ZNF845: variants seen among roughly 807,000 people sequenced by gnomAD.
The protein encoded by ZNF845 is zinc finger protein 845.
Under a neutral mutation model 76.1 loss-of-function variants are expected in ZNF845, and 59 were observed. The ratio of observed to expected loss-of-function variants is 0.78; its 90% CI spans 0.63 to 0.96. ZNF845 has a LOEUF of 0.96. Ranked by LOEUF, ZNF845 falls within the 40% of genes least tolerant of loss-of-function variation. The probability of loss-of-function intolerance (pLI) is 0.00; values close to 1 mark genes in which losing one functional copy is unlikely to be tolerated. For missense variants in ZNF845, 1,045 were observed against 1,172.8 expected, an observed-to-expected ratio of 0.89 and a Z score of 1.59; for synonymous variants, 361 against 386.9, an observed-to-expected ratio of 0.93 and a Z score of 0.78.
chr19:53,342,658 A>C (rs1362848850), intron 2 of ZNF845, among the ~76,000 whole-genome samples: 1 of 152,020 alleles, frequency 6.6e-6, no homozygotes, highest in Non-Finnish European at 1.5e-5. Context: ...ACTTTAGAAA[A>C]AATTCTGCGG....
chr19:53,338,724 A>ACACG (rs1555821749), intron 1 of ZNF845, among the ~76,000 whole-genome samples: 3 of 100,994 alleles, frequency 3.0e-5, no homozygotes, highest in Non-Finnish European at 6.6e-5. Context: ...ACACACACGC[A>ACACG]CACACACACT....
At chr19:53,334,616 G>A (rs189155851) in intron 1 of ZNF845, among the ~76,000 whole-genome samples, 9 of 152,042 alleles carry the variant, frequency 5.9e-5, no homozygotes, top group Non-Finnish European at 1.0e-4. Flanking sequence ...ATGAAGAAAG[G>A]GGGGCTGGGC....
rs764673143 is a variant in ZNF845, at chr19:53,350,835, A to G, written c.160A>G (p.Met54Val). The change falls in exon 4 of 4, where the codon ATG becomes GTG. Residue 54 changes from methionine to valine, a missense_variant. Met to Val is a conservative substitution (Grantham distance 21). Transcript: ENST00000458035. Reference sequence around the variant, plus strand: ...TTTTCTAGATATCTCTTCCAAATGCATGATGAAGGAGTTCTCATCAACAGC... The same window carrying G: ...TTTTCTAGATATCTCTTCCAAATGCGTGATGAAGGAGTTCTCATCAACAGC... ...LVSLDISSKC[M>V]MKEFSSTAQG... 91 of 1,613,530 alleles carry G rather than the reference A, an allele frequency of 5.6e-5. No individual in the cohort carries two copies. The highest frequency in any genetic ancestry group is 1.6e-4 in the Middle Eastern group (1 of 6,076).
rs1010463792 is a variant in ZNF845 at position 53,353,962 on chromosome 19, C to G, written c.*374C>G. 1.0e-4 allele frequency: 59 copies of G among 570,628 alleles called. No individual in the cohort carries two copies. The highest frequency in any genetic ancestry group is 9.2e-4 in the African/African-American group (48 of 51,954). The allele number at this position is 570,628 out of a possible 1,614,324, so 35.3% of individuals were successfully genotyped here. A position where few individuals can be genotyped will look rare whatever the true frequency, so the allele number is the denominator to read the frequency against. ...GCAAATTTTTCAGACATTGTTCATA[C>G]CTTGCAGTTCATCGGTGAACTCATG... On this transcript the variant is annotated 3_prime_UTR_variant, in exon 4 of 4. Coordinates refer to ENST00000458035, the MANE Select transcript of ZNF845 (RefSeq NM_138374.3).
intron 3 of ZNF845, among the ~76,000 whole-genome samples, chr19:53,349,156 C>T (rs182047564): frequency 1.1e-4 from 16 of 152,102 alleles, no homozygotes; most frequent in African/African-American, 3.1e-4. Context: ...AGCGCCCAGC[C>T]GTTAGTCACT....
At position 53,350,853 on chromosome 19, in the gene ZNF845, T is replaced by G. The variant is rs1346261202; in HGVS notation, c.178T>G (p.Ser60Ala). 2 of 1,613,852 alleles carry G rather than the reference T, an allele frequency of 1.2e-6. No individual in the cohort carries two copies. The highest frequency in any genetic ancestry group is 3.3e-5 in the Admixed American group (2 of 59,986). ...SSKCMMKEFSSTAQGNTEVIH... is the reference protein window; with the variant it reads ...SSKCMMKEFSATAQGNTEVIH... ...CAAATGCATGATGAAGGAGTTCTCA[T>G]CAACAGCACAAGGCAATACAGAAGT... Residue 60 changes from serine to alanine, a missense_variant, in exon 4 of 4, where the codon TCA becomes GCA. By Grantham distance (99) the Ser-to-Ala change is moderately conservative. Transcript: ENST00000458035.
chr19:53,344,604 ATTTATTTTATTTTATTTTAT>A (rs61048596), intron 2 of ZNF845, among the ~76,000 whole-genome samples: 1 of 126,908 alleles, frequency 7.9e-6, no homozygotes, highest in Non-Finnish European at 1.6e-5. Flanking sequence ...ATTTTATTTT[ATTTATTTTATTTTATTTTAT>A]TTTATTTTAT....
intron 1 of ZNF845, among the ~76,000 whole-genome samples, chr19:53,338,876 C>G (rs969757222): frequency 6.7e-6 from 1 of 148,602 alleles, no homozygotes. Context: ...GTCAGGAGTT[C>G]GAGACCAGCC....
intron 3 of ZNF845, among the ~76,000 whole-genome samples, chr19:53,347,424 A>T (rs1157532254): frequency 3.4e-5 from 5 of 145,962 alleles, no homozygotes; most frequent in Admixed American, 1.4e-4. Context: ...CTACAGGCAC[A>T]TGCCACCACA....
Position 53,352,203 on chromosome 19 carries a change from C to T in ZNF845, c.1528C>T (p.Leu510Phe), listed in dbSNP as rs748569255. Residue 510 changes from leucine (L) to phenylalanine (F), a missense_variant, in exon 4 of 4, where the codon CTT becomes TTT. Leu to Phe is a conservative substitution (Grantham distance 22). Coordinates refer to ENST00000458035, the MANE Select transcript of ZNF845 (RefSeq NM_138374.3). ...CDEAFSFKSNLERHRIIHTGE... is the reference protein window; with the variant it reads ...CDEAFSFKSNFERHRIIHTGE... ...TGAAGCTTTCAGTTTCAAATCAAAC[C>T]TTGAAAGACATAGGATAATTCATAC... 1.2e-6 allele frequency: 2 copies of T among 1,613,800 alleles called. No individual in the cohort carries two copies. The highest frequency in any genetic ancestry group is 1.1e-5 in the South Asian group (1 of 91,050).
In ZNF845 at chr19:53,353,460, G is replaced by A. The variant is rs1432057591; in HGVS notation, c.2785G>A (p.Val929Ile). Residue 929 changes from valine to isoleucine, a missense_variant, in exon 4 of 4, where the codon GTC (valine) becomes ATC (isoleucine). Physicochemically the swap from Val to Ile is conservative, Grantham distance 29 (BLOSUM62 3). Transcript: ENST00000458035. ...TGGCAAAACCTTCCGTCACAATTCA[G>A]TCCTTGTAATTCATAAGACAATTCA... ...ECGKTFRHNSVLVIHKTIHTG... is the reference protein window; with the variant it reads ...ECGKTFRHNSILVIHKTIHTG... The A allele has an allele frequency of 8.7e-6, 14 of 1,612,106 alleles. No homozygotes were observed. Among genetic ancestry groups the A allele is most frequent in the African/African-American group, 1.3e-5 (1 of 74,324 alleles).
intron 3 of ZNF845, among the ~76,000 whole-genome samples, chr19:53,350,147 T>A (rs1290248093): frequency 9.4e-6 from 1 of 106,344 alleles, no homozygotes; most frequent in African/African-American, 3.7e-5. Flanking sequence ...AACTTTTTAA[T>A]TTTTTTTTCG....
At position 53,346,430 on chromosome 19, in the gene ZNF845, CG is replaced by C. The variant is rs199950196; in HGVS notation, c.142+800del. ...CCCCAGTGGCTCATGCCTGTAATCC[CG>C]GCACTTTGGGAGGCCGAGGCAGGCA... On this transcript the variant is annotated intron_variant, in intron 3 of 3. Transcript: ENST00000458035. The C allele has an allele frequency of 4.1e-3, 1,616 of 389,918 alleles. 30 individuals are homozygous for C. The highest frequency in any genetic ancestry group is 0.031 in the African/African-American group (1,460 of 46,728). The allele number at this position is 389,918 out of a possible 1,614,324, so 24.2% of individuals were successfully genotyped here. A position where few individuals can be genotyped will look rare whatever the true frequency, so the allele number is the denominator to read the frequency against.
chr19:53,334,875 A>C (rs185732107), intron 1 of ZNF845, among the ~76,000 whole-genome samples: 1 of 152,216 alleles, frequency 6.6e-6, no homozygotes, highest in Admixed American at 6.5e-5. Flanking sequence ...ATGCCACTGC[A>C]CTCCAGCCTG....
Position 53,345,592 on chromosome 19 carries a change from G to A in ZNF845, c.102G>A (p.Arg34=), listed in dbSNP as rs57319493. ...CLDPAQRTLY[R]DVMLENYRNL... ...ACCCTGCTCAGAGGACTCTATACAGGGACGTGATGCTGGAGAATTATAGGA... is the reference window on the plus strand; with the variant it reads ...ACCCTGCTCAGAGGACTCTATACAGAGACGTGATGCTGGAGAATTATAGGA... Residue 34 remains arginine (R), a synonymous_variant, in exon 3 of 4, where the codon AGG becomes AGA. Transcript: ENST00000458035. 0.096 allele frequency: 154,886 copies of A among 1,609,346 alleles called. 8,189 individuals carry two copies. The highest frequency in any genetic ancestry group is 0.19 in the Middle Eastern group (1,131 of 6,026).
At chr19:53,348,286 T>C (rs2085310473) in intron 3 of ZNF845, among the ~76,000 whole-genome samples, 2 of 151,896 alleles carry the variant, frequency 1.3e-5, no homozygotes, top group South Asian at 4.2e-4. Context: ...ACAAAAAAGG[T>C]AGTAGCTTAA....
At chr19:53,341,188 G>C (rs2085253957) in intron 1 of ZNF845, 47 bp from the exon 2 acceptor site, 1 of 1,439,216 alleles carries the variant, frequency 6.9e-7, no homozygotes, top group African/African-American at 1.4e-5. Context: ...GTTAACGGAG[G>C]GGGTGTGTTG....
chr19:53,339,466 C>T (rs578046885), intron 1 of ZNF845, among the ~76,000 whole-genome samples: 1 of 152,308 alleles, frequency 6.6e-6, no homozygotes, highest in South Asian at 2.1e-4. Flanking sequence ...TGATCCCCTC[C>T]CTCAAGTCTT....
rs2085360730 is a variant in ZNF845 at position 53,353,475 on chromosome 19, A to G, written c.2800A>G (p.Lys934Glu). ...TCACAATTCAGTCCTTGTAATTCAT[A>G]AGACAATTCATACTGGAGAGAAACC... ...FRHNSVLVIH[K>E]TIHTGEKPYK... Residue 934 changes from lysine to glutamate, a missense_variant, in exon 4 of 4, where the codon AAG becomes GAG. Physicochemically the swap from Lys to Glu is moderately conservative, Grantham distance 56. Coordinates refer to ENST00000458035, the MANE Select transcript of ZNF845 (RefSeq NM_138374.3). 2 of 1,613,378 alleles carry G rather than the reference A, an allele frequency of 1.2e-6. No homozygotes were observed. The highest frequency in any genetic ancestry group is 2.7e-5 in the African/African-American group (2 of 74,738).
Sources: allele counts gnomAD v4.1 joint callset (sites outside exome capture counted in the v4.1 genomes callset), GRCh38; gene constraint gnomAD v4.1.1; transcripts MANE v1.5; gene names NCBI Gene and HGNC (gene_info 2026-07-23, HGNC 2026-07-21).